Variants in PKHD1L1 observed in about 807,000 individuals in gnomAD.
The protein encoded by PKHD1L1 is PKHD1 like 1.
Under a neutral mutation model 462.9 loss-of-function variants are expected in PKHD1L1, and 434 were observed. The ratio of observed to expected loss-of-function variants is 0.94; its 90% CI spans 0.87 to 1.02. The LOEUF is 1.02. PKHD1L1 is among the 50% of genes least tolerant of loss of function. The pLI is 0.00. For synonymous variants in PKHD1L1, 1,781 were observed against 1,750.0 expected, an observed-to-expected ratio of 1.02 and a Z score of -0.44; for missense variants, 5,202 against 5,096.1, an observed-to-expected ratio of 1.02 and a Z score of -0.63.
rs1358334062 is a variant in PKHD1L1 at position 109,443,886 on chromosome 8, T to C, written c.4775T>C (p.Leu1592Pro). The C allele has an allele frequency of 6.2e-7, 1 of 1,609,106 alleles. No individual in the cohort carries two copies. The highest frequency in any genetic ancestry group is 1.3e-5 in the African/African-American group (1 of 74,752). ...ATTATTGGACATGGCTTTAGTAATCTCCCATGGGCTAATAAGGTAAGAATA... is the reference window on the plus strand; with the variant it reads ...ATTATTGGACATGGCTTTAGTAATCCCCCATGGGCTAATAAGGTAAGAATA... ...ITIIGHGFSN[L>P]PWANKVTIGS... The change falls in exon 37 of 78, where the codon CTC (leucine) becomes CCC (proline). Residue 1592 changes from leucine to proline, a missense_variant. Coordinates refer to ENST00000378402, the MANE Select transcript of PKHD1L1 (RefSeq NM_177531.6).
intron 21 of PKHD1L1, among the ~76,000 whole-genome samples, chr8:109,414,996 T>G (rs1239233662): frequency 1.4e-5 from 2 of 144,638 alleles, no homozygotes; most frequent in Non-Finnish European, 1.5e-5. Context: ...ATTATTATTA[T>G]TATTATTATT....
At chr8:109,456,484 G>A in intron 46 of PKHD1L1, 93 bp downstream of exon 46, 2 of 1,235,502 alleles carry the variant, frequency 1.6e-6, no homozygotes, top group Non-Finnish European at 2.1e-6. Flanking sequence ...ATGACTATTT[G>A]GTTTAAACTT....
Position 109,466,578 on chromosome 8 carries a change from G to T in PKHD1L1, c.8414G>T (p.Gly2805Val), listed in dbSNP as rs1389354452. Residue 2805 changes from glycine to valine, a missense_variant and splice_region_variant, in exon 50 of 78, where the codon GGG becomes GTG. This residue lies in a region of PKHD1L1 where 4,497 missense variants were observed against 4,336.8 expected (regional missense o/e 1.04). Coordinates refer to ENST00000378402, the MANE Select transcript of PKHD1L1 (RefSeq NM_177531.6). Reference protein sequence around the residue: ...VMIDVDGSLTGHKGHTVIPHS... With the variant: ...VMIDVDGSLTVHKGHTVIPHS... ...CATATTTTGTTTGTTTGTTTCCCAG[G>T]GCACAAAGGACATACCGTCATTCCA... 1 of 1,568,694 alleles carries T rather than the reference G, an allele frequency of 6.4e-7. No individual in the cohort carries two copies.
intron 11 of PKHD1L1, among the ~76,000 whole-genome samples, chr8:109,396,686 T>G (rs989208456): frequency 1.3e-5 from 2 of 152,134 alleles, no homozygotes; most frequent in African/African-American, 4.8e-5. Context: ...TTCACTTTTA[T>G]GTGTCCTGTC....
chr8:109,383,933 A>G (rs965377083), intron 4 of PKHD1L1, 137 bp from the exon 5 acceptor site: 1 of 694,910 alleles, frequency 1.4e-6, no homozygotes, highest in African/African-American at 1.8e-5. Flanking sequence ...GGTTCATCTT[A>G]TTTAAATATC....
rs568587503 is a variant in PKHD1L1, at chr8:109,460,103, A to T, written c.7246+267A>T. 6.6e-5 allele frequency among the ~76,000 whole-genome samples: 10 copies of T among 152,218 alleles called. No homozygotes were observed. In the South Asian group the frequency reaches 2.1e-3, roughly 32 times the overall value. On this transcript the variant is annotated intron_variant, in intron 47 of 77. Coordinates refer to ENST00000378402, the MANE Select transcript of PKHD1L1 (RefSeq NM_177531.6). ...TGGTTAATGCTGACACTATAATGGG[A>T]GAAATAAGTGCACTTGGATTCTGTT...
In PKHD1L1 at chr8:109,486,748, C is replaced by T. The variant is rs199857001; in HGVS notation, c.9807C>T (p.Pro3269=). The T allele has an allele frequency of 9.2e-5, 148 of 1,612,410 alleles. No individual in the cohort carries two copies. Among genetic ancestry groups the T allele is most frequent in the Admixed American group, 8.2e-4 (49 of 59,904 alleles). The change falls in exon 59 of 78, where the codon CCC becomes CCT. Residue 3269 remains proline (P), a synonymous_variant. Transcript: ENST00000378402. ...TCAAAATAGTTGGTGAAGATTACCC[C>T]GGTTGGTCTGAGGACTCTTTTGGAG... The part of the protein sequence containing the change: ...RNIKIVGEDY[P]GWSEDSFGAR...
rs1563602837 is a variant in PKHD1L1 at position 109,489,945 on chromosome 8, A to T, written c.9881-7A>T. The stretch of plus-strand genomic sequence containing the variant: ...AAAAACAAATTTTAAATCTTTCCCT[A>T]CCTTAGGAAATGCAAGAATAAGTAA... On this transcript the variant is annotated splice_polypyrimidine_tract_variant and splice_region_variant and intron_variant, in intron 59 of 77. Transcript: ENST00000378402. 4 of 1,547,900 alleles carry T rather than the reference A, an allele frequency of 2.6e-6. No individual in the cohort carries two copies. Among genetic ancestry groups the T allele is most frequent in the African/African-American group, 1.4e-5 (1 of 73,238 alleles).
chr8:109,467,215 C>T (rs1817491352), intron 50 of PKHD1L1, among the ~76,000 whole-genome samples: 1 of 152,166 alleles, frequency 6.6e-6, no homozygotes, highest in African/African-American at 2.4e-5. Flanking sequence ...ACCAGATACG[C>T]TTGGCATCAT....
At chr8:109,450,465 T>A (rs1027641129) in intron 40 of PKHD1L1, among the ~76,000 whole-genome samples, 6 of 152,196 alleles carry the variant, frequency 3.9e-5, no homozygotes, top group African/African-American at 1.4e-4. Flanking sequence ...AGAGTTTGAA[T>A]CCTGATTAAA....
At chr8:109,369,395 T>G (rs1811383778) in intron 2 of PKHD1L1, among the ~76,000 whole-genome samples, 1 of 152,218 alleles carries the variant, frequency 6.6e-6, no homozygotes, top group Non-Finnish European at 1.5e-5. Context: ...TCAGCAATAT[T>G]AATAATAACA....
rs771887033 is a variant in PKHD1L1, at chr8:109,490,959, C to T, written c.9985-13C>T. On this transcript the variant is annotated splice_polypyrimidine_tract_variant and intron_variant, in intron 60 of 77. Transcript: ENST00000378402. ...TATTTTAAAAATGTTCTCTGTATCC[C>T]AATGTTGTATAGATTCAAGAACATG... 1 of 1,580,692 alleles carries T rather than the reference C, an allele frequency of 6.3e-7. No homozygotes were observed. The highest frequency in any genetic ancestry group is 8.6e-7 in the Non-Finnish European group (1 of 1,161,398).
intron 59 of PKHD1L1, among the ~76,000 whole-genome samples, chr8:109,487,890 GAGGAAGGAAGGAAGGAAGGAAGGAAGGA>G (rs10661778): frequency 2.9e-5 from 2 of 69,296 alleles, no homozygotes; most frequent in African/African-American, 1.2e-4. Flanking sequence ...GAGAGAGAGA[GAGGAAGGAAGGAAGGAAGGAAGGAAGGA>G]AGGAAGGAAG....
chr8:109,413,666 A>G (rs895718274), intron 21 of PKHD1L1, 121 bp downstream of exon 21: 57 of 613,740 alleles, frequency 9.3e-5, no homozygotes, highest in Admixed American at 4.3e-4. Flanking sequence ...AGGGCAAATA[A>G]TGCACACAAT....
In PKHD1L1 at chr8:109,535,495, G is replaced by A. The variant is rs891821112; in HGVS notation, c.*5405G>A. The stretch of plus-strand genomic sequence containing the variant: ...AGATTTAAATTAATTTTCACTGTAT[G>A]AAATGTACAGTATACATAGACCAAC... On this transcript the variant is annotated 3_prime_UTR_variant, in exon 78 of 78. Coordinates refer to ENST00000378402, the MANE Select transcript of PKHD1L1 (RefSeq NM_177531.6). Among the ~76,000 whole-genome samples the A allele has an allele frequency of 1.3e-5, 2 of 152,182 alleles. No individual in the cohort carries two copies. Among genetic ancestry groups the A allele is most frequent in the African/African-American group, 4.8e-5 (2 of 41,456 alleles).
chr8:109,480,834 G>A (rs890349876), intron 55 of PKHD1L1, among the ~76,000 whole-genome samples: 1 of 151,924 alleles, frequency 6.6e-6, no homozygotes, highest in Admixed American at 6.6e-5. Context: ...TAGACATATG[G>A]CTTTAAGGTA....
intron 21 of PKHD1L1, among the ~76,000 whole-genome samples, chr8:109,416,042 C>G (rs1198359581): frequency 2.6e-5 from 4 of 151,968 alleles, no homozygotes; most frequent in Non-Finnish European, 4.4e-5. Context: ...AAAGTGAGGG[C>G]AACTGTAGAC....
Position 109,381,466 on chromosome 8 carries a change from A to T in PKHD1L1, c.260A>T (p.Asp87Val). The T allele has an allele frequency of 1.9e-6, 3 of 1,584,360 alleles. No homozygotes were observed. The highest frequency in any genetic ancestry group is 2.6e-6 in the Non-Finnish European group (3 of 1,162,796). The change falls in exon 3 of 78, where the codon GAT becomes GTT. Residue 87 changes from aspartate (D) to valine (V), a missense_variant. By Grantham distance (152) the Asp-to-Val change is radical. Transcript: ENST00000378402. ...LISSFQSITC[D>V]VEKDASHSTQ... ...TCTTCTTTCCAGTCAATTACTTGTG[A>T]TGTAGAAAAAGATGCAAGTCATTCA...
intron 50 of PKHD1L1, chr8:109,470,469 G>A: frequency 1.2e-6 from 2 of 1,607,808 alleles, no homozygotes; most frequent in South Asian, 1.1e-5. Flanking sequence ...TTAAAGCCCA[G>A]ATAGCGCTAG....
Sources: allele counts gnomAD v4.1 joint callset (sites outside exome capture counted in the v4.1 genomes callset), GRCh38; gene constraint gnomAD v4.1.1; regional missense constraint gnomAD v4.1.1; transcripts MANE v1.5; gene names NCBI Gene and HGNC (gene_info 2026-07-23, HGNC 2026-07-21).